Variants in CREBRF observed in about 807,000 individuals in gnomAD.
The protein encoded by CREBRF is UPF0474 protein C5orf41.
Under a neutral mutation model 66.1 loss-of-function variants are expected in CREBRF, and 5 were observed. That is an observed-to-expected ratio of 0.08 (90% CI 0.04 to 0.16). CREBRF has a LOEUF of 0.16. Ranked by LOEUF, CREBRF falls within the 10% of genes least tolerant of loss-of-function variation. CREBRF has a pLI of 1.00. For synonymous variants in CREBRF, 229 were observed against 264.4 expected, an observed-to-expected ratio of 0.87 and a Z score of 1.30; for missense variants, 531 against 744.9, an observed-to-expected ratio of 0.71 and a Z score of 3.34.
intron 3 of CREBRF, among the ~76,000 whole-genome samples, chr5:173,088,629 G>C (rs949385398): frequency 2.0e-5 from 3 of 151,910 alleles, no homozygotes; most frequent in African/African-American, 7.3e-5. Context: ...AAAGAATGTG[G>C]CACAAAAATA....
chr5:173,065,631 A>C (rs1167238170), intron 1 of CREBRF, among the ~76,000 whole-genome samples: 1 of 45,034 alleles, frequency 2.2e-5, no homozygotes, highest in East Asian at 8.4e-4. Flanking sequence ...CCTTTGGGTT[A>C]TATTTCTTTC....
intron 1 of CREBRF, among the ~76,000 whole-genome samples, chr5:173,058,360 C>T (rs557005094): frequency 6.6e-6 from 1 of 152,072 alleles, no homozygotes; most frequent in East Asian, 1.9e-4. Flanking sequence ...AGTACTTAGG[C>T]GTAAGAACAT....
At chr5:173,101,916 A>G (rs1236561951) in intron 4 of CREBRF, among the ~76,000 whole-genome samples, 1 of 152,128 alleles carries the variant, frequency 6.6e-6, no homozygotes, top group African/African-American at 2.4e-5. Context: ...TATTCCTATA[A>G]TGTGCATTTC....
chr5:173,107,234 A>G (rs1372928619), intron 4 of CREBRF, among the ~76,000 whole-genome samples: 1 of 152,208 alleles, frequency 6.6e-6, no homozygotes, highest in African/African-American at 2.4e-5. Context: ...TCAGGAAGGA[A>G]AAATTACCTT....
At chr5:173,131,971 C>T (rs538298414) in intron 8 of CREBRF, among the ~76,000 whole-genome samples, 1 of 150,376 alleles carries the variant, frequency 6.6e-6, no homozygotes, top group South Asian at 2.1e-4. Context: ...GACCTGTGCT[C>T]TGCCCACTTC....
intron 7 of CREBRF, among the ~76,000 whole-genome samples, chr5:173,118,564 A>G (rs1021030883): frequency 1.3e-5 from 2 of 152,064 alleles, no homozygotes; most frequent in East Asian, 3.8e-4. Flanking sequence ...TTTCCCATAT[A>G]AATATCTGGT....
intron 2 of CREBRF, among the ~76,000 whole-genome samples, chr5:173,083,867 G>T (rs765206136): frequency 1.3e-5 from 2 of 151,962 alleles, no homozygotes; most frequent in Non-Finnish European, 2.9e-5. Flanking sequence ...TTTTTGACAG[G>T]GAAAACATTT....
At chr5:173,057,366 A>C (rs992133948) in intron 1 of CREBRF, 2 of 150,970 alleles carry the variant, frequency 1.3e-5, no homozygotes, top group Admixed American at 6.6e-5. Flanking sequence ...AGGGCGAGGG[A>C]GCCGGGCCGG....
intron 6 of CREBRF, among the ~76,000 whole-genome samples, 197 bp downstream of exon 6, chr5:173,110,908 A>G (rs376432404): frequency 2.0e-5 from 3 of 152,212 alleles, no homozygotes; most frequent in Admixed American, 6.5e-5. Flanking sequence ...GAGGGGAGAG[A>G]TGAATGGACT....
rs1394110110 is a variant in CREBRF, at chr5:173,086,304, TTAG to T, written c.10-196_10-194del. 1.3e-4 allele frequency: 86 copies of T among 642,688 alleles called. No individual in the cohort carries two copies. In the African/African-American group the frequency reaches 1.4e-3, roughly 10 times the overall value. The allele number at this position is 642,688 out of a possible 1,614,324, so 39.8% of individuals were successfully genotyped here. A position where few individuals can be genotyped will look rare whatever the true frequency, so the allele number is the denominator to read the frequency against. ...TGGCAGCACTCTATTTTTTCTATTT[TTAG>T]GTATTTTCCTAATATAAGTCTACAG... On this transcript the variant is annotated intron_variant, in intron 2 of 8. Transcript: ENST00000296953.
chr5:173,092,610 CAA>C (rs1758377389), intron 4 of CREBRF, among the ~76,000 whole-genome samples: 1 of 151,936 alleles, frequency 6.6e-6, no homozygotes, highest in Non-Finnish European at 1.5e-5. Context: ...AAAAAACTAT[CAA>C]AGAGAGCCCT....
intron 1 of CREBRF, among the ~76,000 whole-genome samples, chr5:173,065,242 G>A (rs1757399886): frequency 6.6e-6 from 1 of 152,154 alleles, no homozygotes; most frequent in Non-Finnish European, 1.5e-5. Flanking sequence ...AGTGAAGGAG[G>A]CATTCTAGTA....
chr5:173,127,898 G>T (rs1163699494), intron 8 of CREBRF, among the ~76,000 whole-genome samples: 1 of 152,066 alleles, frequency 6.6e-6, no homozygotes, highest in East Asian at 1.9e-4. Context: ...ATTTTTGTTT[G>T]ATTTTTGATT....
intron 8 of CREBRF, among the ~76,000 whole-genome samples, chr5:173,132,308 A>G (rs1244517760): frequency 6.6e-6 from 1 of 151,000 alleles, no homozygotes; most frequent in Non-Finnish European, 1.5e-5. Flanking sequence ...GCTGGTCTCA[A>G]ACTCCTGACC....
intron 1 of CREBRF, among the ~76,000 whole-genome samples, chr5:173,078,624 T>C (rs1280192724): frequency 6.6e-6 from 1 of 151,474 alleles, no homozygotes; most frequent in Admixed American, 6.6e-5. Flanking sequence ...AGTGGTGCGA[T>C]CTCGGCTCAC....
chr5:173,080,675 A>C lies in CREBRF; in HGVS notation c.-101A>C. ...GGGGAAACCTGCTGTTTATTGTGGA[A>C]ATCATCTTCGATCTTGGAATTGAAA... On this transcript the variant is annotated 5_prime_UTR_variant, in exon 2 of 9. Transcript: ENST00000296953. 8.1e-7 allele frequency: 1 copy of C among 1,227,620 alleles called. No individual in the cohort carries two copies. The highest frequency in any genetic ancestry group is 1.2e-6 in the Non-Finnish European group (1 of 838,520). The allele number at this position is 1,227,620 out of a possible 1,614,324, so 76.0% of individuals were successfully genotyped here. A position where few individuals can be genotyped will look rare whatever the true frequency, so the allele number is the denominator to read the frequency against.
chr5:173,085,701 GCCA>G, intron 2 of CREBRF: 1 of 733,276 alleles, frequency 1.4e-6, no homozygotes, highest in Non-Finnish European at 2.5e-6. Flanking sequence ...ACAGGCGTGA[GCCA>G]CCGCACCCGG....
intron 7 of CREBRF, among the ~76,000 whole-genome samples, chr5:173,117,938 A>G (rs953300703): frequency 2.0e-5 from 3 of 150,962 alleles, no homozygotes; most frequent in African/African-American, 7.3e-5. Flanking sequence ...CAGTGGCGCA[A>G]TCTTGGCTCA....
At position 173,137,046 on chromosome 5, in the gene CREBRF, CT is replaced by C. The variant is rs1759602012; in HGVS notation, c.*3302del. 1 of 151,826 alleles carries C rather than the reference CT, an allele frequency of 6.6e-6. No homozygotes were observed. Among genetic ancestry groups the C allele is most frequent in the African/African-American group, 2.4e-5 (1 of 41,340 alleles). 9.4% of individuals were successfully genotyped at this position (151,826 alleles called of 1,614,324 possible). Reference sequence around the variant, plus strand: ...GAGTTTGTCTCCATATGAAAGCATGCTGTCCAGTCGCTCTTGTTAAGATCTT... The same window carrying C: ...GAGTTTGTCTCCATATGAAAGCATGCGTCCAGTCGCTCTTGTTAAGATCTT... On this transcript the variant is annotated 3_prime_UTR_variant, in exon 9 of 9. Transcript: ENST00000296953.
Sources: allele counts gnomAD v4.1 joint callset (sites outside exome capture counted in the v4.1 genomes callset), GRCh38; gene constraint gnomAD v4.1.1; transcripts MANE v1.5; gene names NCBI Gene and HGNC (gene_info 2026-07-23, HGNC 2026-07-21).